The following TECTB variants were observed in gnomAD, a reference collection of about 807,000 sequenced individuals.
TECTB encodes beta-tectorin.
In TECTB, 45 loss-of-function variants were observed where a neutral mutation model predicts 43.3. The ratio of observed to expected loss-of-function variants is 1.04; its 90% confidence interval spans 0.82 to 1.33. The LOEUF (loss-of-function observed/expected upper bound fraction) is 1.33, where lower values mean the gene tolerates loss of function less well. Among genes scored for constraint, TECTB ranks in the 40% most tolerant of loss-of-function variants. The probability of loss-of-function intolerance (pLI) is 0.00; values close to 1 mark genes in which losing one functional copy is unlikely to be tolerated. For missense variants in TECTB, 399 were observed against 404.7 expected (o/e 0.99, Z 0.12); for synonymous variants, 169 against 156.7 (o/e 1.08, Z -0.59).
chr10:112,291,095 C>T (rs901872502), intron 5 of TECTB, among the ~76,000 whole-genome samples: 1 of 152,124 alleles, frequency 6.6e-6, no homozygotes, highest in Admixed American at 6.6e-5. Flanking sequence ...CCTAGCAACC[C>T]ATCACCCAGG....
rs1848578234 is a variant in TECTB at position 112,299,549 on chromosome 10, G to C, written c.892G>C (p.Glu298Gln). ...CCAGACCGGGGGAGTCCTGGTCGTGGAGCTCTCCCTGCGGAGTAAGCGTCT... is the reference window on the plus strand; with the variant it reads ...CCAGACCGGGGGAGTCCTGGTCGTGCAGCTCTCCCTGCGGAGTAAGCGTCT... ...RDQTGGVLVV[E>Q]LSLRSRGFSS... Residue 298 changes from glutamate (E) to glutamine (Q), a missense_variant, in exon 9 of 11, where the codon GAG (glutamate) becomes CAG (glutamine). Coordinates refer to ENST00000646139, the MANE Select transcript of TECTB (RefSeq NM_058222.3). 2.5e-6 allele frequency: 4 copies of C among 1,612,196 alleles called. No individual in the cohort carries two copies. The highest frequency in any genetic ancestry group is 2.5e-6 in the Non-Finnish European group (3 of 1,179,756).
intron 7 of TECTB, among the ~76,000 whole-genome samples, chr10:112,295,473 AAGGCCTGGGATTC>A (rs1338198427): frequency 6.6e-6 from 1 of 152,218 alleles, no homozygotes; most frequent in Non-Finnish European, 1.5e-5. Flanking sequence ...TAGTAAGGAG[AAGGCCTGGGATTC>A]AGACTCAGTC....
intron 3 of TECTB, among the ~76,000 whole-genome samples, chr10:112,285,049 G>A (rs1383991956): frequency 1.3e-5 from 2 of 152,230 alleles, no homozygotes; most frequent in African/African-American, 4.8e-5. Flanking sequence ...TAGATTGGAT[G>A]GGTGGATGGA....
chr10:112,296,195 T>C (rs1332269885), intron 7 of TECTB, among the ~76,000 whole-genome samples: 1 of 151,768 alleles, frequency 6.6e-6, no homozygotes, highest in Admixed American at 6.6e-5. Flanking sequence ...CAAAAGTTCC[T>C]GGAGAGATGG....
At position 112,299,511 on chromosome 10, in the gene TECTB, G is replaced by T. The variant is rs377290976; in HGVS notation, c.854G>T (p.Arg285Leu). Reference protein sequence around the residue: ...SCPVTCDKRKRLLRDQTGGVL... With the variant: ...SCPVTCDKRKLLLRDQTGGVL... The stretch of plus-strand genomic sequence containing the variant: ...CTTCAGACCTGCGATAAACGGAAGC[G>T]CCTCCTGCGAGACCAGACCGGGGGA... The change falls in exon 9 of 11, where the codon CGC (arginine) becomes CTC (leucine). Residue 285 changes from arginine (R) to leucine (L), a missense_variant. Transcript: ENST00000646139. 3 of 1,614,170 alleles carry T rather than the reference G, an allele frequency of 1.9e-6. No individual in the cohort carries two copies. The highest frequency in any genetic ancestry group is 2.5e-6 in the Non-Finnish European group (3 of 1,180,022).
intron 7 of TECTB, among the ~76,000 whole-genome samples, chr10:112,294,812 C>T (rs573632493): frequency 1.6e-4 from 24 of 152,246 alleles, no homozygotes; most frequent in African/African-American, 5.1e-4. Context: ...GGAGATGCTT[C>T]TGCAGGAATG....
chr10:112,298,059 T>C lies in TECTB; in HGVS notation c.672-10T>C. 3 of 1,614,094 alleles carry C rather than the reference T, an allele frequency of 1.9e-6. No individual in the cohort carries two copies. Among genetic ancestry groups the C allele is most frequent in the South Asian group, 1.1e-5 (1 of 91,080 alleles). On this transcript the variant is annotated splice_polypyrimidine_tract_variant and intron_variant, in intron 7 of 10. Transcript: ENST00000646139. ...ATGACAGTTCACTCTTCTTTCCCCA[T>C]CTGCCTCAGCTGCCCCACGGATGAA...
chr10:112,289,619 C>G (rs1848481760), intron 5 of TECTB, among the ~76,000 whole-genome samples: 1 of 152,220 alleles, frequency 6.6e-6, no homozygotes, highest in African/African-American at 2.4e-5. Flanking sequence ...GACAGTACTT[C>G]AAATATGTCC....
At chr10:112,299,715 C>T in intron 9 of TECTB, 151 bp downstream of exon 9, 1 of 767,292 alleles carries the variant, frequency 1.3e-6, no homozygotes, top group Non-Finnish European at 2.1e-6. Flanking sequence ...GTCTTCCAGC[C>T]AGGGGTGGGG....
intron 10 of TECTB, chr10:112,302,569 T>G (rs559967155): frequency 1.6e-5 from 6 of 386,450 alleles, no homozygotes; most frequent in African/African-American, 1.2e-4. Context: ...GAAATTGGGC[T>G]AATAATTGCC....
chr10:112,283,641 G>C lies in TECTB; in HGVS notation c.-87-7G>C, dbSNP rs935995864. Reference sequence around the variant, plus strand: ...ATTTTAACTTTTCATTCATGTTTCTGACTTAGAATGATCGAGGCTCAGGCC... The same window carrying C: ...ATTTTAACTTTTCATTCATGTTTCTCACTTAGAATGATCGAGGCTCAGGCC... On this transcript the variant is annotated splice_region_variant and splice_polypyrimidine_tract_variant and intron_variant, in intron 1 of 10. Transcript: ENST00000646139. The C allele has an allele frequency of 2.6e-6, 3 of 1,151,896 alleles. No individual in the cohort carries two copies. In the African/African-American group the frequency reaches 4.7e-5, roughly 18 times the overall value. The allele number at this position is 1,151,896 out of a possible 1,614,324, so 71.4% of individuals were successfully genotyped here.
At chr10:112,284,157 CAAT>C (rs1848435587) in intron 2 of TECTB, among the ~76,000 whole-genome samples, 3 of 152,214 alleles carry the variant, frequency 2.0e-5, no homozygotes, top group Admixed American at 2.0e-4. Context: ...CAGTATTTCA[CAAT>C]ATTATGCATG....
chr10:112,286,824 C>T (rs1385575907), intron 5 of TECTB, among the ~76,000 whole-genome samples: 4 of 152,048 alleles, frequency 2.6e-5, no homozygotes, highest in Non-Finnish European at 5.9e-5. Context: ...TGGGAGGCTG[C>T]AGCAGAAGAA....
At chr10:112,287,069 C>T (rs966846604) in intron 5 of TECTB, among the ~76,000 whole-genome samples, 11 of 152,226 alleles carry the variant, frequency 7.2e-5, no homozygotes, top group Admixed American at 4.6e-4. Flanking sequence ...GTTTTCACTA[C>T]AACCCCCTCC....
chr10:112,286,326 A>G lies in TECTB; in HGVS notation c.418A>G (p.Thr140Ala), dbSNP rs1480085309. 1.9e-6 allele frequency: 3 copies of G among 1,611,722 alleles called. 1 individual carries two copies. The highest frequency in any genetic ancestry group is 2.2e-5 in the South Asian group (2 of 91,036). ...ATTCTCTCCCCTTTTCAGAGTGGCC[A>G]CTGTTCACGTGAAGAACGGGAGCAT... ...NQAAFDQRVATVHVKNGSMGT... is the reference protein window; with the variant it reads ...NQAAFDQRVAAVHVKNGSMGT... The change falls in exon 5 of 11, where the codon ACT (threonine) becomes GCT (alanine). Residue 140 changes from threonine to alanine, a missense_variant. Thr to Ala is a moderately conservative substitution (Grantham distance 58). Transcript: ENST00000646139.
intron 2 of TECTB, 130 bp from the exon 3 acceptor site, chr10:112,284,405 A>C (rs1215405465): frequency 5.9e-6 from 5 of 852,158 alleles, no homozygotes; most frequent in Non-Finnish European, 4.9e-6. Context: ...ACAGCTGGTG[A>C]GGAATAGCAG....
intron 9 of TECTB, among the ~76,000 whole-genome samples, chr10:112,300,845 T>A (rs1848605527): frequency 6.6e-6 from 1 of 152,220 alleles, no homozygotes; most frequent in Non-Finnish European, 1.5e-5. Flanking sequence ...TCATCCTGAA[T>A]GGAGCAAAGG....
chr10:112,285,885 T>G (rs1848449726), intron 3 of TECTB, among the ~76,000 whole-genome samples, 186 bp from the exon 4 acceptor site: 1 of 152,182 alleles, frequency 6.6e-6, no homozygotes, highest in African/African-American at 2.4e-5. Context: ...TTGAATAAAC[T>G]AAGGAACCCT....
In TECTB at chr10:112,303,559, C is replaced by A. The variant is rs954900736; in HGVS notation, c.*247C>A. 6.6e-5 allele frequency: 35 copies of A among 527,600 alleles called. No homozygotes were observed. Among genetic ancestry groups the A allele is most frequent in the Middle Eastern group, 5.1e-4 (1 of 1,980 alleles). The allele number at this position is 527,600 out of a possible 1,614,324, so 32.7% of individuals were successfully genotyped here. A position where few individuals can be genotyped will look rare whatever the true frequency, so the allele number is the denominator to read the frequency against. ...AGTCCTTCTACAGCTGGGGGAGGAG[C>A]CTCCTTTCTCCATACTCAAGTCAGG... On this transcript the variant is annotated 3_prime_UTR_variant, in exon 11 of 11. Coordinates refer to ENST00000646139, the MANE Select transcript of TECTB (RefSeq NM_058222.3).
Sources: allele counts gnomAD v4.1 joint callset (sites outside exome capture counted in the v4.1 genomes callset), GRCh38; gene constraint gnomAD v4.1.1; transcripts MANE v1.5; gene names NCBI Gene and HGNC (gene_info 2026-07-23, HGNC 2026-07-21).